ACAP2: variants seen among roughly 807,000 people sequenced by gnomAD.
ACAP2 encodes ArfGAP with coiled-coil, ankyrin repeat and PH domains 2.
In ACAP2, 39 loss-of-function variants were observed where a neutral mutation model predicts 115.8. The ratio of observed to expected loss-of-function variants is 0.34; its 90% CI spans 0.26 to 0.44. The LOEUF (loss-of-function observed/expected upper bound fraction) is 0.44, where lower values mean the gene tolerates loss of function less well. Among genes scored for constraint, ACAP2 ranks in the 20% least tolerant of loss-of-function variants. The pLI, the probability that ACAP2 is intolerant of heterozygous loss-of-function variation, is 1.00. For missense variants in ACAP2, 662 were observed against 927.6 expected, an observed-to-expected ratio of 0.71 and a Z score of 3.72; for synonymous variants, 289 against 315.8, an observed-to-expected ratio of 0.92 and a Z score of 0.90.
chr3:195,378,802 A>G (rs1366664593), intron 4 of ACAP2, among the ~76,000 whole-genome samples: 1 of 151,182 alleles, frequency 6.6e-6, no homozygotes, highest in Non-Finnish European at 1.5e-5. Context: ...CGGAGGCTGC[A>G]GTGAGCCAAG....
chr3:195,413,011 C>T (rs1713415878), intron 1 of ACAP2: 2 of 319,070 alleles, frequency 6.3e-6, no homozygotes, highest in East Asian at 8.0e-5. Flanking sequence ...TAAGAGGACA[C>T]AGAGTAACAG....
intron 8 of ACAP2, among the ~76,000 whole-genome samples, chr3:195,331,637 C>A (rs1730175182): frequency 6.6e-6 from 1 of 151,890 alleles, no homozygotes; most frequent in African/African-American, 2.4e-5. Flanking sequence ...CATCATCAAT[C>A]CCCTCCTCTT....
chr3:195,379,351 G>C (rs910731615), intron 4 of ACAP2, among the ~76,000 whole-genome samples: 5 of 152,008 alleles, frequency 3.3e-5, no homozygotes, highest in Non-Finnish European at 5.9e-5. Context: ...TGTGTCAAAG[G>C]ATATTTTCAA....
intron 1 of ACAP2, among the ~76,000 whole-genome samples, chr3:195,406,519 T>C (rs187563718): frequency 2.0e-5 from 3 of 152,264 alleles, no homozygotes; most frequent in African/African-American, 7.2e-5. Context: ...AACAGAAAAC[T>C]ATTCATCCCA....
intron 4 of ACAP2, among the ~76,000 whole-genome samples, chr3:195,377,653 G>GA (rs1457844428): frequency 6.6e-6 from 1 of 151,786 alleles, no homozygotes; most frequent in Admixed American, 6.6e-5. Context: ...CATTCCTACT[G>GA]AAAAAAATTT....
At chr3:195,433,082 G>C (rs1290921291) in intron 1 of ACAP2, among the ~76,000 whole-genome samples, 1 of 151,974 alleles carries the variant, frequency 6.6e-6, no homozygotes, top group Non-Finnish European at 1.5e-5. Flanking sequence ...ATTGGTTCCA[G>C]GACTCCCCCT....
intron 4 of ACAP2, among the ~76,000 whole-genome samples, chr3:195,345,688 G>C (rs1204092781): frequency 6.6e-6 from 1 of 152,090 alleles, no homozygotes; most frequent in Non-Finnish European, 1.5e-5. Flanking sequence ...ATATATCACA[G>C]CATACCAAAT....
In ACAP2 at chr3:195,275,893, C is replaced by A. The variant is rs941586913; in HGVS notation, c.*3435G>T. The A allele has an allele frequency of 2.0e-5, 3 of 152,548 alleles. No homozygotes were observed. The highest frequency in any genetic ancestry group is 7.2e-5 in the African/African-American group (3 of 41,426). 9.4% of individuals were successfully genotyped at this position (152,548 alleles called of 1,614,324 possible). On this transcript the variant is annotated 3_prime_UTR_variant, in exon 23 of 23. Coordinates refer to ENST00000326793, the MANE Select transcript of ACAP2 (RefSeq NM_012287.6). ...ATTTTAATTGTGAGGAGCCCTGAAT[C>A]CAAAAAGGGTAGTGACGACTAGTCC... is the stretch of plus-strand genomic sequence containing the variant.
chr3:195,368,137 A>C (rs1018438146), intron 4 of ACAP2, among the ~76,000 whole-genome samples: 4 of 151,770 alleles, frequency 2.6e-5, no homozygotes, highest in Non-Finnish European at 5.9e-5. Flanking sequence ...CTGTCTGTTA[A>C]CTCTCTGGTT....
At chr3:195,336,779 G>T in intron 7 of ACAP2, 153 bp downstream of exon 7, 1 of 668,348 alleles carries the variant, frequency 1.5e-6, no homozygotes. Context: ...ACAAAAAGAA[G>T]TCCAGTGCCA....
intron 9 of ACAP2, 49 bp downstream of exon 9, chr3:195,326,836 A>G (rs918680444): frequency 1.3e-6 from 2 of 1,524,706 alleles, no homozygotes; most frequent in Non-Finnish European, 1.8e-6. Flanking sequence ...ACCAACACCC[A>G]AGCCATTGTA....
At chr3:195,333,851 C>T (rs557720086) in intron 7 of ACAP2, among the ~76,000 whole-genome samples, 20 of 152,268 alleles carry the variant, frequency 1.3e-4, no homozygotes, top group Admixed American at 7.8e-4. Context: ...TTACAATCTA[C>T]GAGAGCACAA....
rs566149349 is a variant in ACAP2, at chr3:195,304,012, A to T, written c.1117-1838T>A. Among the ~76,000 whole-genome samples, 44 of 151,892 alleles carry T rather than the reference A, an allele frequency of 2.9e-4. No homozygotes were observed. In the South Asian group the frequency reaches 8.8e-3, roughly 30 times the overall value. On this transcript the variant is annotated intron_variant, in intron 13 of 22. Transcript: ENST00000326793. ...CTGTCTCTACTAAAAATACAAAAAA[A>T]AATTAGCCGGGCATGGTGGTACATG...
intron 9 of ACAP2, among the ~76,000 whole-genome samples, chr3:195,324,058 T>A (rs1001052724): frequency 1.3e-5 from 2 of 151,818 alleles, no homozygotes; most frequent in African/African-American, 2.4e-5. Context: ...CTAACAAAAA[T>A]TAAAAATGAA....
intron 1 of ACAP2, among the ~76,000 whole-genome samples, chr3:195,437,040 C>T (rs554890717): frequency 4.9e-4 from 75 of 152,184 alleles, no homozygotes; most frequent in Non-Finnish European, 8.8e-4. Flanking sequence ...ATTTAACTGA[C>T]ACAATATTTA....
At chr3:195,442,493 C>T (rs541951514) in intron 1 of ACAP2, among the ~76,000 whole-genome samples, 1 of 152,324 alleles carries the variant, frequency 6.6e-6, no homozygotes, top group South Asian at 2.1e-4. Flanking sequence ...ACTTCGGGAG[C>T]GCGGCTGCAC....
intron 21 of ACAP2, among the ~76,000 whole-genome samples, chr3:195,288,295 C>T (rs556793970): frequency 1.3e-5 from 2 of 152,172 alleles, no homozygotes; most frequent in South Asian, 2.1e-4. Context: ...AAAATGAAGA[C>T]AATATTAACA....
chr3:195,281,111 T>C (rs1280694789), intron 22 of ACAP2, among the ~76,000 whole-genome samples: 1 of 152,106 alleles, frequency 6.6e-6, no homozygotes, highest in Non-Finnish European at 1.5e-5. Flanking sequence ...ATTAAAAAAA[T>C]GTTAATACTT....
intron 1 of ACAP2, chr3:195,419,362 G>A (rs1472987014): frequency 6.6e-6 from 1 of 152,072 alleles, no homozygotes; most frequent in East Asian, 1.9e-4. Flanking sequence ...AAATACATAG[G>A]ATTTGAAAGT....
Sources: gnomAD v4.1 joint callset for allele counts (sites outside exome capture counted in the v4.1 genomes callset) on GRCh38, gnomAD v4.1.1 for gene constraint, MANE v1.5 for transcripts, NCBI Gene and HGNC (gene_info 2026-07-23, HGNC 2026-07-21) for gene names.